UBE2G1: variants seen among roughly 807,000 people sequenced by gnomAD.
UBE2G1 encodes ubiquitin-conjugating enzyme E2 G1.
In UBE2G1, 5 loss-of-function variants were observed where a neutral mutation model predicts 22.7. The ratio of observed to expected loss-of-function variants is 0.22; its 90% CI spans 0.12 to 0.46. The LOEUF (loss-of-function observed/expected upper bound fraction) is 0.46, where lower values mean the gene tolerates loss of function less well. Among genes scored for constraint, UBE2G1 ranks in the 20% least tolerant of loss-of-function variants. The pLI is 0.99. For synonymous variants in UBE2G1, 74 were observed against 67.5 expected (o/e 1.10, Z -0.47); for missense variants, 88 against 203.9 (o/e 0.43, Z 3.46).
intron 1 of UBE2G1, among the ~76,000 whole-genome samples, chr17:4,315,893 A>G (rs1282293301): frequency 1.6e-5 from 2 of 127,344 alleles, no homozygotes; most frequent in Non-Finnish European, 3.2e-5. Flanking sequence ...TACAAGCTCC[A>G]CCTCCTGGGT....
In UBE2G1 at chr17:4,324,966, AC is replaced by A. The variant is rs200335195; in HGVS notation, c.47-17844del. On this transcript the variant is annotated intron_variant, in intron 1 of 5. Transcript: ENST00000396981. ...GTGGCAGGCTTCTGTAGTCCCAGCT[AC>A]TCGGGAGGCTGAGGCAGGAGAACGG... Among the ~76,000 whole-genome samples the A allele has an allele frequency of 7.2e-3, 1,093 of 152,088 alleles. 16 individuals carry two copies. Among genetic ancestry groups the A allele is most frequent in the African/African-American group, 0.025 (1,043 of 41,502 alleles).
intron 2 of UBE2G1, among the ~76,000 whole-genome samples, chr17:4,299,958 C>G (rs1291219530): frequency 2.0e-5 from 3 of 151,748 alleles, no homozygotes; most frequent in Non-Finnish European, 4.4e-5. Context: ...TCCCAAGTAC[C>G]TAGGATTACA....
At position 4,366,480 on chromosome 17, in the gene UBE2G1, G is replaced by T; in HGVS notation, c.-164C>A. 2 of 578,188 alleles carry T rather than the reference G, an allele frequency of 3.5e-6. No individual in the cohort carries two copies. Among genetic ancestry groups the T allele is most frequent in the Non-Finnish European group, 5.4e-6 (2 of 370,310 alleles). The allele number at this position is 578,188 out of a possible 1,614,324, so 35.8% of individuals were successfully genotyped here. ...GCGGCGGGAGCGGCGCCTCGCTGCC[G>T]GTGCGAGTCCGCTCGCTTCAGCTCT... On this transcript the variant is annotated 5_prime_UTR_variant, in exon 1 of 6. Transcript: ENST00000396981.
intron 1 of UBE2G1, among the ~76,000 whole-genome samples, chr17:4,357,508 TGGG>T (rs199545492): frequency 0.021 from 277 of 13,192 alleles, 23 homozygotes; most frequent in African/African-American, 0.038. Context: ...TGTGTGTGTG[TGGG>T]GGGGGGGGGT....
chr17:4,341,050 CAAAAAA>C (rs71383550), intron 1 of UBE2G1, among the ~76,000 whole-genome samples: 1 of 85,950 alleles, frequency 1.2e-5, no homozygotes, highest in African/African-American at 3.7e-5. Flanking sequence ...AGTGTCTTTA[CAAAAAA>C]AAAAAAAAAA....
chr17:4,274,375 T>A (rs1399023729), intron 5 of UBE2G1, among the ~76,000 whole-genome samples: 2 of 152,044 alleles, frequency 1.3e-5, no homozygotes. Context: ...TTTTTTGTAT[T>A]TTTAGTAGAG....
chr17:4,311,298 T>G (rs1969307544), intron 1 of UBE2G1, among the ~76,000 whole-genome samples: 1 of 152,202 alleles, frequency 6.6e-6, no homozygotes, highest in South Asian at 2.1e-4. Context: ...AGTTACCATA[T>G]GACCCAGCAA....
chr17:4,298,526 T>C (rs947232863), intron 2 of UBE2G1, among the ~76,000 whole-genome samples: 1 of 152,106 alleles, frequency 6.6e-6, no homozygotes, highest in African/African-American at 2.4e-5. Context: ...TCATAAGACA[T>C]GGGGAAGGTG....
chr17:4,347,448 G>A (rs577832708), intron 1 of UBE2G1, among the ~76,000 whole-genome samples: 12 of 141,394 alleles, frequency 8.5e-5, no homozygotes, highest in Admixed American at 7.2e-5. Context: ...TCATATTTCG[G>A]TAATTCTCAC....
chr17:4,297,141 G>T (rs778493223), intron 2 of UBE2G1, among the ~76,000 whole-genome samples: 9 of 152,132 alleles, frequency 5.9e-5, no homozygotes, highest in Admixed American at 1.3e-4. Context: ...AATTCAGAAG[G>T]TTTAACATCA....
At chr17:4,273,717 GGGGGT>G (rs1486877525) in intron 5 of UBE2G1, among the ~76,000 whole-genome samples, 1 of 151,778 alleles carries the variant, frequency 6.6e-6, no homozygotes, top group African/African-American at 2.4e-5. Context: ...GCTTTGAAAG[GGGGGT>G]GGGTGGGGGC....
intron 1 of UBE2G1, among the ~76,000 whole-genome samples, chr17:4,349,800 G>A (rs1021005840): frequency 5.3e-5 from 8 of 149,652 alleles, no homozygotes; most frequent in Non-Finnish European, 8.8e-5. Context: ...CCGAGATTGC[G>A]CCACTACACT....
chr17:4,329,079 G>A (rs1210712858), intron 1 of UBE2G1, among the ~76,000 whole-genome samples: 1 of 143,122 alleles, frequency 7.0e-6, no homozygotes, highest in Non-Finnish European at 1.5e-5. Flanking sequence ...ACTCCAGCCT[G>A]GGTGACAGAG....
chr17:4,351,317 A>G (rs1283340654), intron 1 of UBE2G1, among the ~76,000 whole-genome samples: 1 of 152,240 alleles, frequency 6.6e-6, no homozygotes, highest in Non-Finnish European at 1.5e-5. Context: ...ATCCTATCAC[A>G]GTCATATTGC....
intron 1 of UBE2G1, among the ~76,000 whole-genome samples, chr17:4,332,984 G>T (rs1218918806): frequency 6.6e-6 from 1 of 152,146 alleles, no homozygotes; most frequent in Non-Finnish European, 1.5e-5. Flanking sequence ...AAGAACAAGG[G>T]TTTTTGTTTA....
At chr17:4,288,789 G>A (rs536281931) in intron 4 of UBE2G1, among the ~76,000 whole-genome samples, 1 of 152,164 alleles carries the variant, frequency 6.6e-6, no homozygotes, top group Non-Finnish European at 1.5e-5. Context: ...AATAAAATTA[G>A]TAAGTATGTG....
At position 4,270,737 on chromosome 17, in the gene UBE2G1, A is replaced by G. The variant is rs993839692; in HGVS notation, c.*1817T>C. On this transcript the variant is annotated 3_prime_UTR_variant, in exon 6 of 6. Coordinates refer to ENST00000396981, the MANE Select transcript of UBE2G1 (RefSeq NM_003342.5). The stretch of plus-strand genomic sequence containing the variant: ...AGTCACAACACACTTACGAGTTTCT[A>G]TAAGGTTTGTGGGTTTGTATAATGT... 1.3e-5 allele frequency: 2 copies of G among 152,070 alleles called. No homozygotes were observed. Among genetic ancestry groups the G allele is most frequent in the Non-Finnish European group, 2.9e-5 (2 of 68,010 alleles). The allele number at this position is 152,070 out of a possible 1,614,324, so 9.4% of individuals were successfully genotyped here. A position where few individuals can be genotyped will look rare whatever the true frequency, so the allele number is the denominator to read the frequency against.
chr17:4,366,593 ACCCGCCCGTCGGCCCCACCGGTGCCTTCC>A lies in UBE2G1; in HGVS notation c.-306_-278del, dbSNP rs1443531034. 3.3e-5 allele frequency: 11 copies of A among 336,310 alleles called. No homozygotes were observed. Among genetic ancestry groups the A allele is most frequent in the Non-Finnish European group, 5.4e-5 (10 of 184,622 alleles). 20.8% of individuals were successfully genotyped at this position (336,310 alleles called of 1,614,324 possible). ...TTCGCTCGCCCGCTTCCCTCCTTCA[ACCCGCCCGTCGGCCCCACCGGTGCCTTCC>A]CCCGCCACTGCCTCACTGCGCGCAG... On this transcript the variant is annotated 5_prime_UTR_variant, in exon 1 of 6. Coordinates refer to ENST00000396981, the MANE Select transcript of UBE2G1 (RefSeq NM_003342.5).
At chr17:4,338,116 G>T (rs781005998) in intron 1 of UBE2G1, among the ~76,000 whole-genome samples, 2 of 151,516 alleles carry the variant, frequency 1.3e-5, no homozygotes, top group Admixed American at 6.6e-5. Flanking sequence ...GTTGCAGTGA[G>T]CTCAGATCGC....
Sources: allele counts gnomAD v4.1 joint callset (sites outside exome capture counted in the v4.1 genomes callset), GRCh38; gene constraint gnomAD v4.1.1; transcripts MANE v1.5; gene names NCBI Gene and HGNC (gene_info 2026-07-23, HGNC 2026-07-21).